OPA1: variants seen among roughly 807,000 people sequenced by gnomAD.
OPA1 encodes the protein OPA1 mitochondrial dynamin like GTPase.
In OPA1, 59 loss-of-function variants were observed where a neutral mutation model predicts 152.9. The observed-to-expected ratio is 0.39, with a 90% CI of 0.31 to 0.48. The LOEUF (loss-of-function observed/expected upper bound fraction) is 0.48, where lower values mean the gene tolerates loss of function less well. Among genes scored for constraint, OPA1 ranks in the 20% least tolerant of loss-of-function variants. The pLI is 0.96. For synonymous variants in OPA1, 400 were observed against 389.9 expected, an observed-to-expected ratio of 1.03 and a Z score of -0.31; for missense variants, 1,008 against 1,216.8, an observed-to-expected ratio of 0.83 and a Z score of 2.55.
intron 18 of OPA1, 49 bp downstream of exon 18, chr3:193,645,849 T>A: frequency 7.2e-7 from 1 of 1,386,866 alleles, no homozygotes; most frequent in Non-Finnish European, 1.0e-6. Flanking sequence ...AGAGAGTAGC[T>A]TAAATTGAAC....
chr3:193,625,192 A>G (rs1454279220), intron 6 of OPA1, among the ~76,000 whole-genome samples: 4 of 152,106 alleles, frequency 2.6e-5, no homozygotes, highest in African/African-American at 7.2e-5. Flanking sequence ...ACATGTGAAT[A>G]TCCTGTATTA....
intron 29 of OPA1, among the ~76,000 whole-genome samples, chr3:193,676,849 C>CG (rs1437466727): frequency 6.6e-6 from 1 of 151,860 alleles, no homozygotes; most frequent in Non-Finnish European, 1.5e-5. Flanking sequence ...GGCGTGGTGG[C>CG]GGGCGCCTGT....
intron 21 of OPA1, among the ~76,000 whole-genome samples, chr3:193,651,995 C>T (rs898628120): frequency 1.3e-5 from 2 of 151,952 alleles, no homozygotes; most frequent in African/African-American, 4.8e-5. Context: ...AAACTATTAC[C>T]TTTATTATAT....
At chr3:193,683,999 A>G (rs1379303266) in intron 29 of OPA1, among the ~76,000 whole-genome samples, 2 of 152,166 alleles carry the variant, frequency 1.3e-5, no homozygotes, top group Non-Finnish European at 2.9e-5. Context: ...GGCAGTTACA[A>G]AATGGAAAGC....
At chr3:193,645,340 T>TAGGAAA (rs1172603748) in intron 16 of OPA1, among the ~76,000 whole-genome samples, 4 of 152,216 alleles carry the variant, frequency 2.6e-5, no homozygotes, top group Non-Finnish European at 5.9e-5. Context: ...ATTCCGGGTT[T>TAGGAAA]TCGATACGTG....
At chr3:193,667,539 T>G in intron 29 of OPA1, 1 of 416,386 alleles carries the variant, frequency 2.4e-6, no homozygotes, top group South Asian at 1.9e-5. Flanking sequence ...GGTGTGGTGG[T>G]GGGTGCCTAT....
intron 1 of OPA1, among the ~76,000 whole-genome samples, chr3:193,610,462 C>T (rs1178792874): frequency 6.6e-6 from 1 of 150,924 alleles, no homozygotes; most frequent in East Asian, 1.9e-4. Context: ...GGGTGCCTCC[C>T]AGTTAGGCTA....
chr3:193,607,935 C>G (rs922296530), intron 1 of OPA1, among the ~76,000 whole-genome samples: 3 of 152,062 alleles, frequency 2.0e-5, no homozygotes, highest in African/African-American at 4.8e-5. Context: ...CTTTTATTTC[C>G]TTGAGCAGTG....
intron 29 of OPA1, among the ~76,000 whole-genome samples, chr3:193,689,428 T>G (rs958877981): frequency 6.6e-6 from 1 of 152,228 alleles, no homozygotes; most frequent in African/African-American, 2.4e-5. Context: ...TCGTAAATAT[T>G]TAAGGGAAAT....
intron 29 of OPA1, among the ~76,000 whole-genome samples, chr3:193,670,976 C>T (rs1294755742): frequency 6.6e-6 from 1 of 152,008 alleles, no homozygotes; most frequent in African/African-American, 2.4e-5. Context: ...GAAGGAGGCT[C>T]CAACTGGCCA....
At chr3:193,598,341 T>G in intron 1 of OPA1, among the ~76,000 whole-genome samples, 1 of 152,256 alleles carries the variant, frequency 6.6e-6, no homozygotes, top group East Asian at 1.9e-4. Flanking sequence ...GGTCATCTAC[T>G]GAGAGTTGGG....
chr3:193,598,423 A>G (rs1359273245), intron 1 of OPA1, among the ~76,000 whole-genome samples: 1 of 152,090 alleles, frequency 6.6e-6, no homozygotes, highest in Non-Finnish European at 1.5e-5. Flanking sequence ...TTGCTAAGAG[A>G]GATGAAGTAG....
intron 26 of OPA1, among the ~76,000 whole-genome samples, chr3:193,663,771 G>A (rs550295541): frequency 1.3e-5 from 2 of 151,884 alleles, no homozygotes; most frequent in African/African-American, 4.8e-5. Flanking sequence ...CCACAGGTCA[G>A]AACAAGTAAA....
chr3:193,634,999 A>T (rs1183014142), intron 8 of OPA1, among the ~76,000 whole-genome samples: 2 of 152,236 alleles, frequency 1.3e-5, no homozygotes, highest in East Asian at 3.8e-4. Flanking sequence ...CATCTTAATT[A>T]AAATCTAAAA....
intron 6 of OPA1, among the ~76,000 whole-genome samples, chr3:193,623,164 G>A (rs989013043): frequency 2.6e-5 from 4 of 152,068 alleles, no homozygotes; most frequent in Non-Finnish European, 2.9e-5. Flanking sequence ...TCCTTACATA[G>A]CAAAAGGGGC....
chr3:193,634,007 A>G (rs558763809), intron 8 of OPA1, among the ~76,000 whole-genome samples: 1 of 152,218 alleles, frequency 6.6e-6, no homozygotes, highest in East Asian at 1.9e-4. Flanking sequence ...ATTTGGCTTG[A>G]GTTGGACTTG....
intron 1 of OPA1, among the ~76,000 whole-genome samples, chr3:193,612,530 C>T (rs1027961474): frequency 2.0e-5 from 3 of 152,284 alleles, no homozygotes; most frequent in East Asian, 1.9e-4. Flanking sequence ...TGAGACAATA[C>T]ATCCCACTGT....
At chr3:193,675,353 C>T (rs1438414523) in intron 29 of OPA1, among the ~76,000 whole-genome samples, 1 of 140,788 alleles carries the variant, frequency 7.1e-6, no homozygotes, top group African/African-American at 2.7e-5. Flanking sequence ...AAAAAAAACA[C>T]CCAATCAAGA....
chr3:193,626,805 G>C (rs1157442072), intron 7 of OPA1, among the ~76,000 whole-genome samples: 1 of 152,152 alleles, frequency 6.6e-6, no homozygotes, highest in Non-Finnish European at 1.5e-5. Flanking sequence ...TTGAACACTG[G>C]AAATTTGATA....
Sources: allele counts gnomAD v4.1 joint callset (sites outside exome capture counted in the v4.1 genomes callset), GRCh38; gene constraint gnomAD v4.1.1; transcripts MANE v1.5; gene names NCBI Gene and HGNC (gene_info 2026-07-23, HGNC 2026-07-21).